TTC6: variants seen among roughly 807,000 people sequenced by gnomAD.
The protein encoded by TTC6 is tetratricopeptide repeat protein 6.
In TTC6, 172 loss-of-function variants were observed where a neutral mutation model predicts 210.4. That is an observed-to-expected ratio of 0.82 (90% CI 0.72 to 0.93). TTC6 has a LOEUF of 0.93. TTC6 is among the 40% of genes least tolerant of loss of function. TTC6 has a pLI of 0.00. For synonymous variants in TTC6, 804 were observed against 819.6 expected, an observed-to-expected ratio of 0.98 and a Z score of 0.32; for missense variants, 2,414 against 2,318.1, an observed-to-expected ratio of 1.04 and a Z score of -0.85.
chr14:37,635,581 G>T (rs1343369848), intron 1 of TTC6, among the ~76,000 whole-genome samples: 1 of 152,152 alleles, frequency 6.6e-6, no homozygotes, highest in Non-Finnish European at 1.5e-5. Flanking sequence ...ATATTGGTAG[G>T]TTGAAAGTAA....
rs189812256 is a variant in TTC6, at chr14:37,775,970, G to A, written c.3267-11498G>A. Among the ~76,000 whole-genome samples, 235 of 151,878 alleles carry A rather than the reference G, an allele frequency of 1.5e-3. 1 individual carries two copies. The highest frequency in any genetic ancestry group is 5.4e-3 in the African/African-American group (223 of 41,380). ...TTTTTTTCTGATTTTGATTGGCTTGGTGGGTTTTTCTCCATACCTTTACTT... is the reference window on the plus strand; with the variant it reads ...TTTTTTTCTGATTTTGATTGGCTTGATGGGTTTTTCTCCATACCTTTACTT... On this transcript the variant is annotated intron_variant, in intron 14 of 30. Coordinates refer to ENST00000553443, the Ensembl canonical transcript of TTC6.
At chr14:37,814,799 G>A (rs1202971419) in intron 25 of TTC6, among the ~76,000 whole-genome samples, 1 of 152,128 alleles carries the variant, frequency 6.6e-6, no homozygotes, top group Admixed American at 6.5e-5. Context: ...AAGAAGCAAT[G>A]AAATATATAA....
At chr14:37,769,685 T>A (rs916965676) in intron 14 of TTC6, among the ~76,000 whole-genome samples, 14 of 150,422 alleles carry the variant, frequency 9.3e-5, no homozygotes, top group Admixed American at 9.2e-4. Context: ...TATTTGATTC[T>A]TCTCTCTTTT....
intron 3 of TTC6, among the ~76,000 whole-genome samples, chr14:37,696,024 A>G (rs1054963613): frequency 1.3e-5 from 2 of 152,184 alleles, no homozygotes; most frequent in Non-Finnish European, 2.9e-5. Context: ...CAAGATGGTT[A>G]GGTGGAATGC....
At chr14:37,649,404 C>T (rs1043799490) in intron 1 of TTC6, among the ~76,000 whole-genome samples, 2 of 152,080 alleles carry the variant, frequency 1.3e-5, no homozygotes, top group African/African-American at 4.8e-5. Context: ...GGGTATAAGC[C>T]CCTAGCCCAG....
chr14:37,780,285 C>T (rs2096050706), intron 14 of TTC6, among the ~76,000 whole-genome samples: 1 of 152,108 alleles, frequency 6.6e-6, no homozygotes, highest in Admixed American at 6.6e-5. Context: ...TTCACATAGG[C>T]ACATTTTTGT....
rs1022490805 is a variant in TTC6 at position 37,730,512 on chromosome 14, C to G, written c.1819-5409C>G. Among the ~76,000 whole-genome samples the G allele has an allele frequency of 5.3e-5, 8 of 152,318 alleles. No individual in the cohort carries two copies. The South Asian group carries it at 1.2e-3, about 24-fold the overall frequency. ...GTTCCTGATAATTTTAATGTTCACT[C>G]TGTGCATCAATAATTACATAGATTT... On this transcript the variant is annotated intron_variant, in intron 7 of 30. Coordinates refer to ENST00000553443, the Ensembl canonical transcript of TTC6.
Position 37,682,740 on chromosome 14 carries a change from A to G in TTC6, c.1051-18A>G, listed in dbSNP as rs1256241616. The G allele has an allele frequency of 3.9e-6, 6 of 1,532,620 alleles. No individual in the cohort carries two copies. The highest frequency in any genetic ancestry group is 5.2e-6 in the Non-Finnish European group (6 of 1,144,768). The allele number at this position is 1,532,620 out of a possible 1,614,324, so 94.9% of individuals were successfully genotyped here. On this transcript the variant is annotated intron_variant, in intron 2 of 30. Transcript: ENST00000553443. The stretch of plus-strand genomic sequence containing the variant: ...CAATAAAAAAAAAGCATTCTTGCAC[A>G]TTTACTTTTTCCAACAGAGCGTGCA...
intron 3 of TTC6, among the ~76,000 whole-genome samples, chr14:37,694,245 C>G (rs921245322): frequency 2.6e-5 from 4 of 152,076 alleles, no homozygotes; most frequent in Admixed American, 2.0e-4. Flanking sequence ...ATGAGGAGCT[C>G]AAACAACTCT....
At chr14:37,770,613 C>T (rs1406327212) in intron 14 of TTC6, among the ~76,000 whole-genome samples, 1 of 151,964 alleles carries the variant, frequency 6.6e-6, no homozygotes, top group African/African-American at 2.4e-5. Flanking sequence ...TTATCAGAGA[C>T]TAGGATTGCA....
intron 2 of TTC6, among the ~76,000 whole-genome samples, chr14:37,616,739 C>CAAA (rs11416796): frequency 6.1e-5 from 6 of 98,258 alleles, no homozygotes; most frequent in Non-Finnish European, 1.2e-4. Flanking sequence ...TACTCCATCT[C>CAAA]AAAAAAAAAA....
intron 29 of TTC6, among the ~76,000 whole-genome samples, chr14:37,836,547 A>G (rs1048003790): frequency 1.3e-5 from 2 of 152,154 alleles, no homozygotes; most frequent in Non-Finnish European, 1.5e-5. Context: ...TTTTTTAAGT[A>G]TAACTCTATT....
At chr14:37,745,010 A>C (rs1027021156) in intron 10 of TTC6, among the ~76,000 whole-genome samples, 1 of 151,874 alleles carries the variant, frequency 6.6e-6, no homozygotes, top group Non-Finnish European at 1.5e-5. Context: ...ACACACACAC[A>C]CACACCCACA....
At chr14:37,672,411 T>C (rs1244240849) in intron 1 of TTC6, among the ~76,000 whole-genome samples, 1 of 152,188 alleles carries the variant, frequency 6.6e-6, no homozygotes, top group Non-Finnish European at 1.5e-5. Context: ...TTGAAAAACA[T>C]TATTCTTCGT....
chr14:37,622,877 C>T (rs1268739319), exon 1 of TTC6: 1 of 1,535,020 alleles, frequency 6.5e-7, no homozygotes, highest in Non-Finnish European at 8.7e-7. Context: ...TGCCCTCCCG[C>T]GTGATCCCCA....
chr14:37,606,638 C>A (rs2095625697), intron 1 of TTC6, 25 bp from the exon 2 acceptor site: 2 of 753,810 alleles, frequency 2.7e-6, no homozygotes, highest in African/African-American at 3.8e-5. Context: ...TCCCTTTAAT[C>A]CCACCTTCAA....
intron 18 of TTC6, 27 bp from the exon 21 acceptor site, chr14:37,796,267 A>T (rs1441811865): frequency 3.9e-6 from 4 of 1,028,042 alleles, no homozygotes; most frequent in Non-Finnish European, 5.7e-6. Flanking sequence ...TTAGCTGCTT[A>T]GAATCAAAAT....
intron 1 of TTC6, among the ~76,000 whole-genome samples, chr14:37,655,257 A>G (rs1446160156): frequency 1.3e-5 from 2 of 152,268 alleles, no homozygotes; most frequent in Non-Finnish European, 2.9e-5. Flanking sequence ...AAATATATTT[A>G]TCTAAATAGA....
chr14:37,739,692 GGTAAGACTAAA>G (rs2095912973), intron 10 of TTC6, among the ~76,000 whole-genome samples: 6 of 151,916 alleles, frequency 3.9e-5, no homozygotes, highest in Admixed American at 3.3e-4. Context: ...AAGGACATGA[GGTAAGACTAAA>G]TCAATTTGAT....
Sources: allele counts gnomAD v4.1 joint callset (sites outside exome capture counted in the v4.1 genomes callset), GRCh38; gene constraint gnomAD v4.1.1; transcripts MANE v1.5; gene names NCBI Gene and HGNC (gene_info 2026-07-23, HGNC 2026-07-21).